Variants in CAMTA1 observed in about 807,000 individuals in gnomAD.
CAMTA1 encodes the protein calmodulin-binding transcription activator 1.
A neutral mutation model predicts 170.9 loss-of-function variants in CAMTA1; 27 were observed. That is an observed-to-expected ratio of 0.16 (90% CI 0.12 to 0.22). CAMTA1 has a LOEUF of 0.22. CAMTA1 is among the 10% of genes least tolerant of loss of function. The pLI, the probability that CAMTA1 is intolerant of heterozygous loss-of-function variation, is 1.00. For synonymous variants in CAMTA1, 833 were observed against 891.5 expected (o/e 0.93, Z 1.17); for missense variants, 1,619 against 2,217.2 (o/e 0.73, Z 5.42).
At chr1:7,623,866 A>G (rs914750172) in intron 6 of CAMTA1, among the ~76,000 whole-genome samples, 3 of 152,240 alleles carry the variant, frequency 2.0e-5, no homozygotes, top group African/African-American at 7.2e-5. Flanking sequence ...AGCCACCGCA[A>G]TTAATTGCTG....
chr1:7,155,856 C>T lies in CAMTA1; in HGVS notation c.302+64485C>T, dbSNP rs149057300. ...CTCCCTGCGTTTGCTGTGCACGTGCCTGGGTGTGGGTGATGCTGATTTCTA... is the reference window on the plus strand; with the variant it reads ...CTCCCTGCGTTTGCTGTGCACGTGCTTGGGTGTGGGTGATGCTGATTTCTA... On this transcript the variant is annotated intron_variant, in intron 4 of 22. Coordinates refer to ENST00000303635, the MANE Select transcript of CAMTA1 (RefSeq NM_015215.4). Among the ~76,000 whole-genome samples, 1,002 of 152,270 alleles carry T rather than the reference C, an allele frequency of 6.6e-3. 6 individuals carry two copies. The highest frequency in any genetic ancestry group is 0.017 in the Middle Eastern group (5 of 294).
chr1:7,720,835 G>C (rs932016704), intron 11 of CAMTA1, among the ~76,000 whole-genome samples: 1 of 152,184 alleles, frequency 6.6e-6, no homozygotes, highest in Non-Finnish European at 1.5e-5. Flanking sequence ...TGAGCTTAAA[G>C]CAGATGGCAG....
intron 5 of CAMTA1, among the ~76,000 whole-genome samples, chr1:7,418,720 C>T (rs950571418): frequency 6.6e-6 from 1 of 152,226 alleles, no homozygotes; most frequent in Non-Finnish European, 1.5e-5. Context: ...AGTCCCACTT[C>T]ACTGCAGCCT....
intron 1 of CAMTA1, among the ~76,000 whole-genome samples, chr1:6,810,925 G>A (rs1000276052): frequency 6.6e-6 from 1 of 152,174 alleles, no homozygotes; most frequent in African/African-American, 2.4e-5. Flanking sequence ...TTCAGGTGAG[G>A]CCTTGGAGGA....
chr1:7,607,581 T>A (rs1319049456), intron 6 of CAMTA1, among the ~76,000 whole-genome samples: 2 of 150,962 alleles, frequency 1.3e-5, no homozygotes, highest in East Asian at 3.9e-4. Context: ...GGAGAATGAG[T>A]GGATAGATGT....
intron 5 of CAMTA1, among the ~76,000 whole-genome samples, chr1:7,269,147 C>A (rs188317980): frequency 1.3e-5 from 2 of 152,314 alleles, no homozygotes; most frequent in African/African-American, 4.8e-5. Flanking sequence ...CAGGGCCTCT[C>A]ACAAGGCTGA....
At chr1:7,321,933 G>A (rs1678482974) in intron 5 of CAMTA1, among the ~76,000 whole-genome samples, 1 of 152,092 alleles carries the variant, frequency 6.6e-6, no homozygotes, top group Non-Finnish European at 1.5e-5. Flanking sequence ...GGGAAATTGG[G>A]AACATATCTT....
intron 3 of CAMTA1, among the ~76,000 whole-genome samples, chr1:6,835,401 C>T (rs1349879432): frequency 3.9e-5 from 6 of 152,032 alleles, no homozygotes; most frequent in South Asian, 2.1e-4. Context: ...TGGTGATTTC[C>T]GTAAAGGAGA....
chr1:6,981,917 G>A (rs953772172), intron 3 of CAMTA1, among the ~76,000 whole-genome samples: 15 of 151,316 alleles, frequency 9.9e-5, no homozygotes, highest in Admixed American at 2.0e-4. Flanking sequence ...TTTTGTAGAG[G>A]CAGAGTCTTG....
intron 3 of CAMTA1, among the ~76,000 whole-genome samples, chr1:6,891,743 C>G (rs901529359): frequency 6.6e-6 from 1 of 152,120 alleles, no homozygotes; most frequent in Non-Finnish European, 1.5e-5. Context: ...GAAAGTCCAC[C>G]AGCCAATTTT....
chr1:7,048,766 G>C (rs1705820334), intron 3 of CAMTA1, among the ~76,000 whole-genome samples: 1 of 152,212 alleles, frequency 6.6e-6, no homozygotes, highest in Admixed American at 6.5e-5. Flanking sequence ...ACCGCACTCA[G>C]GTGTAAGGAC....
chr1:6,956,191 T>C (rs1689427791), intron 3 of CAMTA1, among the ~76,000 whole-genome samples: 3 of 152,188 alleles, frequency 2.0e-5, no homozygotes, highest in Non-Finnish European at 4.4e-5. Flanking sequence ...CAGAGGCTGC[T>C]CACTATGGTG....
At chr1:7,201,385 T>C (rs911502810) in intron 4 of CAMTA1, among the ~76,000 whole-genome samples, 2 of 152,246 alleles carry the variant, frequency 1.3e-5, no homozygotes, top group Non-Finnish European at 2.9e-5. Context: ...TTCATTTCTT[T>C]TTTGGGTATC....
chr1:6,995,295 CTTTTTTTTTTT>C (rs765139922), intron 3 of CAMTA1, among the ~76,000 whole-genome samples: 5,656 of 60,906 alleles, frequency 0.093, 204 homozygotes, highest in Middle Eastern at 0.31. Flanking sequence ...TTTTTCTTTT[CTTTTTTTTTTT>C]TTTTTTTTTT....
chr1:7,594,234 G>A (rs1557972994), intron 6 of CAMTA1, among the ~76,000 whole-genome samples: 1 of 150,492 alleles, frequency 6.6e-6, no homozygotes, highest in Non-Finnish European at 1.5e-5. Context: ...AGGAAGGAAG[G>A]AAGGAAGAAA....
chr1:7,600,908 A>C lies in CAMTA1; in HGVS notation c.511-39492A>C, dbSNP rs545547660. ...TTTCTACACAGACATGGCAACCATT[A>C]GATTTCTCAGTCTTTTCCCCACCTT... is the stretch of plus-strand genomic sequence containing the variant. On this transcript the variant is annotated intron_variant, in intron 6 of 22. Coordinates refer to ENST00000303635, the MANE Select transcript of CAMTA1 (RefSeq NM_015215.4). 2.0e-3 allele frequency among the ~76,000 whole-genome samples: 297 copies of C among 145,610 alleles called. 3 individuals are homozygous for C. Among genetic ancestry groups the C allele is most frequent in the African/African-American group, 5.5e-3 (221 of 40,518 alleles).
chr1:7,244,168 A>T (rs1665371827), intron 4 of CAMTA1, among the ~76,000 whole-genome samples: 1 of 152,234 alleles, frequency 6.6e-6, no homozygotes, highest in South Asian at 2.1e-4. Context: ...CATCAGAGAA[A>T]TGCAAATCAA....
At chr1:6,789,667 C>G (rs1490084601) in intron 1 of CAMTA1, among the ~76,000 whole-genome samples, 1 of 152,084 alleles carries the variant, frequency 6.6e-6, no homozygotes, top group Non-Finnish European at 1.5e-5. Context: ...ATTTATACTC[C>G]CATGACTGGA....
At chr1:7,582,924 C>T (rs542883973) in intron 6 of CAMTA1, among the ~76,000 whole-genome samples, 5 of 151,808 alleles carry the variant, frequency 3.3e-5, no homozygotes, top group South Asian at 2.1e-4. Flanking sequence ...TACCCTGGCC[C>T]GTCCTCTCTC....
Sources: allele counts gnomAD v4.1 joint callset (sites outside exome capture counted in the v4.1 genomes callset), GRCh38; gene constraint gnomAD v4.1.1; transcripts MANE v1.5; gene names NCBI Gene and HGNC (gene_info 2026-07-23, HGNC 2026-07-21).